Variants in FAM149A observed in about 807,000 individuals in gnomAD.
The protein encoded by FAM149A is protein FAM149A.
In FAM149A, 71 loss-of-function variants were observed where a neutral mutation model predicts 78.2. The ratio of observed to expected loss-of-function variants is 0.91; its 90% confidence interval spans 0.75 to 1.11. The LOEUF (loss-of-function observed/expected upper bound fraction) is 1.11, where lower values mean the gene tolerates loss of function less well. Ranked by LOEUF, FAM149A falls within the 50% of genes least tolerant of loss-of-function variation. The pLI is 0.00. For missense variants in FAM149A, 1,036 were observed against 971.0 expected (o/e 1.07, Z -0.89); for synonymous variants, 446 against 410.5 (o/e 1.09, Z -1.04).
chr4:186,140,540 G>A (rs965183744), intron 1 of FAM149A, among the ~76,000 whole-genome samples: 4 of 143,634 alleles, frequency 2.8e-5, no homozygotes, highest in East Asian at 2.1e-4. Context: ...CTGACTTGGC[G>A]TCCCAAGGTG....
intron 1 of FAM149A, chr4:186,109,107 G>A (rs574267425): frequency 4.2e-4 from 374 of 882,458 alleles, no homozygotes; most frequent in African/African-American, 4.0e-3. Context: ...TCGGCCTCCC[G>A]AAGTGCTGGG....
intron 11 of FAM149A, 120 bp from the exon 12 acceptor site, chr4:186,166,848 A>C: frequency 2.4e-6 from 2 of 837,432 alleles, no homozygotes; most frequent in Non-Finnish European, 3.9e-6. Context: ...CCTGATCCTT[A>C]GTAATGTCTA....
At chr4:186,151,019 A>G (rs771426062) in intron 3 of FAM149A, 120 of 985,000 alleles carry the variant, frequency 1.2e-4, no homozygotes, top group Non-Finnish European at 1.4e-4. Flanking sequence ...TGCTTTCTTT[A>G]AAAGTGGTTC....
chr4:186,131,970 C>T, intron 1 of FAM149A: 1 of 985,244 alleles, frequency 1.0e-6, no homozygotes, highest in Non-Finnish European at 1.2e-6. Flanking sequence ...GGAAAAAATT[C>T]TTTTGTATTT....
At chr4:186,126,549 C>T (rs1398327822) in intron 1 of FAM149A, among the ~76,000 whole-genome samples, 4 of 152,154 alleles carry the variant, frequency 2.6e-5, no homozygotes, top group Admixed American at 2.0e-4. Context: ...TTCTTGATCT[C>T]GGACATCCAA....
At position 186,164,811 on chromosome 4, in the gene FAM149A, C is replaced by T. The variant is rs1734893663; in HGVS notation, c.1890-533C>T. ...TCCCTCTGTGTTCTGACCCCTCCCT[C>T]CCTGTGGGCTGCTGATTTTTCAGCT... On this transcript the variant is annotated intron_variant, in intron 10 of 13. Transcript: ENST00000389354. The surrounding 1 kb of genome is among the most constrained non-coding windows in gnomAD (Gnocchi z 4.0). 6.6e-6 allele frequency among the ~76,000 whole-genome samples: 1 copy of T among 152,178 alleles called. No homozygotes were observed. The highest frequency in any genetic ancestry group is 1.5e-5 in the Non-Finnish European group (1 of 68,020).
intron 1 of FAM149A, chr4:186,116,575 T>C: frequency 2.1e-6 from 2 of 974,310 alleles, no homozygotes; most frequent in Non-Finnish European, 2.4e-6. Flanking sequence ...ATTATCCTCT[T>C]TCTTTGTTGT....
chr4:186,166,851 A>G (rs1735072939), intron 11 of FAM149A, 117 bp from the exon 12 acceptor site: 19 of 874,114 alleles, frequency 2.2e-5, no homozygotes, highest in Non-Finnish European at 3.1e-5. Flanking sequence ...GATCCTTAGT[A>G]ATGTCTAACT....
chr4:186,133,184 T>A (rs534927320), intron 1 of FAM149A: 6 of 985,422 alleles, frequency 6.1e-6, no homozygotes, highest in East Asian at 1.1e-4. Flanking sequence ...GGTGATTTTT[T>A]AAAAAATGTG....
intron 1 of FAM149A, chr4:186,143,952 T>C (rs1732756804): frequency 6.6e-6 from 1 of 152,386 alleles, no homozygotes; most frequent in South Asian, 2.1e-4. Flanking sequence ...TACGGGATAC[T>C]TGGCAGGAGA....
chr4:186,105,630 G>T lies in FAM149A; in HGVS notation c.554G>T (p.Gly185Val). ...GAGGGGGCCTCGGACGGCGACTCCG[G>T]GGATGGCGAAGCGTGAGTAGCAGCG... Residue 185 changes from glycine to valine, a missense_variant, in exon 1 of 14, where the codon GGG becomes GTG. Gly to Val is a moderately radical substitution (Grantham distance 109). Transcript: ENST00000389354. 9.4e-7 allele frequency: 1 copy of T among 1,061,740 alleles called. No homozygotes were observed. Among genetic ancestry groups the T allele is most frequent in the Non-Finnish European group, 1.1e-6 (1 of 873,158 alleles). The allele number at this position is 1,061,740 out of a possible 1,614,324, so 65.8% of individuals were successfully genotyped here. A position where few individuals can be genotyped will look rare whatever the true frequency, so the allele number is the denominator to read the frequency against.
intron 1 of FAM149A, among the ~76,000 whole-genome samples, chr4:186,106,931 C>CAG (rs368377993): frequency 1.3e-5 from 2 of 152,076 alleles, no homozygotes; most frequent in African/African-American, 2.4e-5. Context: ...ACCTGGGCGA[C>CAG]AGAGAGAGAG....
intron 1 of FAM149A, chr4:186,117,490 G>A (rs944261181): frequency 4.4e-5 from 43 of 985,286 alleles, no homozygotes; most frequent in Non-Finnish European, 5.1e-5. Context: ...AACGAGGGGC[G>A]ATGTCAGGGG....
chr4:186,154,874 G>T, intron 6 of FAM149A: 1 of 985,400 alleles, frequency 1.0e-6, no homozygotes, highest in Non-Finnish European at 1.2e-6. Flanking sequence ...GCTCCTCGCA[G>T]CCCTGGTCCT....
intron 4 of FAM149A, among the ~76,000 whole-genome samples, chr4:186,153,020 G>C (rs371079123): frequency 1.8e-4 from 28 of 151,980 alleles, no homozygotes; most frequent in African/African-American, 6.8e-4. Context: ...GACCAACTAG[G>C]GTTGTTTTTT....
intron 1 of FAM149A, among the ~76,000 whole-genome samples, chr4:186,130,521 AT>A (rs11378408): frequency 1.2e-4 from 18 of 145,004 alleles, no homozygotes; most frequent in African/African-American, 2.5e-4. Context: ...CATGCCTGGC[AT>A]TTTTTTTTTG....
rs1386366276 is a variant in FAM149A at position 186,174,740 on chromosome 4, G to T, written c.*2753G>T. ...TTAAAAATGACCTTCTCATTGCACT[G>T]ATTTTTACTCCATGTTAAAGTTAGT... On this transcript the variant is annotated 3_prime_UTR_variant, in exon 14 of 14. Coordinates refer to ENST00000389354, the MANE Select transcript of FAM149A (RefSeq NM_001367768.3). Among the ~76,000 whole-genome samples the T allele has an allele frequency of 9.0e-6, 1 of 110,742 alleles. No homozygotes were observed. Among genetic ancestry groups the T allele is most frequent in the Non-Finnish European group, 2.3e-5 (1 of 44,036 alleles). 72.7% of individuals were successfully genotyped at this position (110,742 alleles called of 152,430 possible). A position where few individuals can be genotyped will look rare whatever the true frequency, so the allele number is the denominator to read the frequency against.
Position 186,105,530 on chromosome 4 carries a change from C to T in FAM149A, c.454C>T (p.Arg152Ter). Residue 152 changes from arginine to a stop codon, truncating the protein, a stop_gained, in exon 1 of 14, where the codon CGA becomes TGA. Transcript: ENST00000389354. LOFTEE classifies it high-confidence loss of function. ...CCCGCTCCAGCCTGGCCCCGGAGAG[C>T]GAGAGCTCGGCGCCTGCGTGGCCCC... 8.7e-7 allele frequency: 1 copy of T among 1,147,088 alleles called. No individual in the cohort carries two copies. The highest frequency in any genetic ancestry group is 1.1e-6 in the Non-Finnish European group (1 of 926,946). The allele number at this position is 1,147,088 out of a possible 1,614,324, so 71.1% of individuals were successfully genotyped here. A position where few individuals can be genotyped will look rare whatever the true frequency, so the allele number is the denominator to read the frequency against.
At chr4:186,136,964 T>TTC (rs1386094089) in intron 1 of FAM149A, among the ~76,000 whole-genome samples, 8 of 97,042 alleles carry the variant, frequency 8.2e-5, no homozygotes, top group African/African-American at 2.2e-4. Context: ...CTCTCTCTCT[T>TTC]TCTCTCTCTC....
Sources: allele counts gnomAD v4.1 joint callset (sites outside exome capture counted in the v4.1 genomes callset), GRCh38; gene constraint gnomAD v4.1.1; non-coding constraint Gnocchi (gnomAD v3.1); transcripts MANE v1.5; gene names NCBI Gene and HGNC (gene_info 2026-07-23, HGNC 2026-07-21).